The following WDR64 variants were observed in gnomAD, a reference collection of about 807,000 sequenced individuals.
WDR64 encodes the protein WD repeat domain 64, also known as WD repeat-containing protein 64.
In WDR64, 112 loss-of-function variants were observed where a neutral mutation model predicts 139.3. The observed-to-expected ratio is 0.80, with a 90% confidence interval of 0.69 to 0.94. The LOEUF (loss-of-function observed/expected upper bound fraction) is 0.94, where lower values mean the gene tolerates loss of function less well. Ranked by LOEUF, WDR64 falls within the 40% of genes least tolerant of loss-of-function variation. The pLI is 0.00. For synonymous variants in WDR64, 444 were observed against 437.7 expected (o/e 1.01, Z -0.18); for missense variants, 1,206 against 1,293.1 (o/e 0.93, Z 1.03).
chr1:241,797,372 G>A (rs920673846), intron 27 of WDR64, among the ~76,000 whole-genome samples: 1 of 152,054 alleles, frequency 6.6e-6, no homozygotes, highest in African/African-American at 2.4e-5. Context: ...AAGCTCTCAG[G>A]GGCCTAACTT....
chr1:241,781,648 T>C (rs1366771381), intron 22 of WDR64, among the ~76,000 whole-genome samples: 1 of 152,230 alleles, frequency 6.6e-6, no homozygotes, highest in African/African-American at 2.4e-5. Context: ...TAATTACATA[T>C]ACACACATAC....
intron 15 of WDR64, among the ~76,000 whole-genome samples, chr1:241,760,052 T>G (rs1670366209): frequency 6.6e-6 from 1 of 152,228 alleles, no homozygotes. Flanking sequence ...CACAGCGTCC[T>G]TCCTTTTAAA....
Position 241,757,269 on chromosome 1 carries a change from G to T in WDR64, c.1771-14G>T. 6.2e-7 allele frequency: 1 copy of T among 1,604,620 alleles called. No individual in the cohort carries two copies. The highest frequency in any genetic ancestry group is 8.5e-7 in the Non-Finnish European group (1 of 1,176,324). On this transcript the variant is annotated splice_polypyrimidine_tract_variant and intron_variant, in intron 14 of 27. Transcript: ENST00000437684. ...AATTGAACTTTTCATGCACTCACTG[G>T]ATTTCTGTTAAAGGGTAAGGAAGAT...
intron 8 of WDR64, among the ~76,000 whole-genome samples, chr1:241,704,346 G>A (rs1362463177): frequency 6.6e-6 from 1 of 152,208 alleles, no homozygotes; most frequent in African/African-American, 2.4e-5. Flanking sequence ...CTATCGAAAT[G>A]CTGGTTAATA....
At chr1:241,715,836 TAA>T (rs1322473509) in intron 9 of WDR64, among the ~76,000 whole-genome samples, 2 of 152,178 alleles carry the variant, frequency 1.3e-5, no homozygotes, top group Non-Finnish European at 2.9e-5. Flanking sequence ...ATGTGTTTGG[TAA>T]AGTTTTAGGA....
At chr1:241,753,706 A>G (rs146565512) in intron 14 of WDR64, among the ~76,000 whole-genome samples, 1 of 152,318 alleles carries the variant, frequency 6.6e-6, no homozygotes, top group African/African-American at 2.4e-5. Flanking sequence ...ACTGTCACAC[A>G]CACTCACGAA....
At chr1:241,692,806 A>G (rs1173702938) in intron 8 of WDR64, among the ~76,000 whole-genome samples, 3 of 152,234 alleles carry the variant, frequency 2.0e-5, no homozygotes, top group Admixed American at 2.0e-4. Flanking sequence ...GGAAATAAGC[A>G]TAAGAAAGGA....
chr1:241,792,868 A>T (rs1159341098), intron 25 of WDR64, among the ~76,000 whole-genome samples: 1 of 152,224 alleles, frequency 6.6e-6, no homozygotes, highest in Non-Finnish European at 1.5e-5. Context: ...AAATAGGCCT[A>T]TCCTATTAAA....
chr1:241,801,093 G>T, intron 27 of WDR64, 39 bp from the exon 28 acceptor site: 1 of 1,554,130 alleles, frequency 6.4e-7, no homozygotes, highest in Non-Finnish European at 8.9e-7. Context: ...TTTGTCAGTA[G>T]AATGCCAGTT....
At chr1:241,727,279 T>C (rs1668883043) in intron 10 of WDR64, among the ~76,000 whole-genome samples, 1 of 152,058 alleles carries the variant, frequency 6.6e-6, no homozygotes, top group Non-Finnish European at 1.5e-5. Flanking sequence ...AGACCTGGAG[T>C]CTCCTACAGA....
chr1:241,770,709 G>A lies in WDR64; in HGVS notation c.2253+19G>A, dbSNP rs1340091662. On this transcript the variant is annotated intron_variant, in intron 18 of 27. Coordinates refer to ENST00000437684, the MANE Select transcript of WDR64 (RefSeq NM_001367482.1). The stretch of plus-strand genomic sequence containing the variant: ...CAGTAAGGTAAGCAAGACACAGACA[G>A]GGTCTGTCTTCCTGTCATACTCAAT... The A allele has an allele frequency of 6.5e-7, 1 of 1,548,662 alleles. No homozygotes were observed. The highest frequency in any genetic ancestry group is 2.0e-5 in the Admixed American group (1 of 50,860).
At chr1:241,714,801 C>G (rs1443970430) in intron 9 of WDR64, among the ~76,000 whole-genome samples, 1 of 152,196 alleles carries the variant, frequency 6.6e-6, no homozygotes, top group East Asian at 1.9e-4. Flanking sequence ...CAATCACCAA[C>G]TCTGATTTTT....
chr1:241,727,656 A>T (rs192323192), intron 10 of WDR64, among the ~76,000 whole-genome samples: 1 of 152,312 alleles, frequency 6.6e-6, no homozygotes, highest in African/African-American at 2.4e-5. Flanking sequence ...GGGCCCTGCA[A>T]TGAGAAAGTT....
In WDR64 at chr1:241,764,018, T is replaced by A. The variant is rs1011910642; in HGVS notation, c.1948-2200T>A. On this transcript the variant is annotated intron_variant, in intron 15 of 27. Coordinates refer to ENST00000437684, the MANE Select transcript of WDR64 (RefSeq NM_001367482.1). ...TAGAGGATAGTGAAAAGACAGTGAA[T>A]CTCAAGTGGAAGAGGTAATGTGAAC... 2.6e-5 allele frequency among the ~76,000 whole-genome samples: 4 copies of A among 152,170 alleles called. No individual in the cohort carries two copies. The East Asian group carries it at 7.8e-4, about 29-fold the overall frequency.
At chr1:241,795,380 A>G in intron 26 of WDR64, 93 bp downstream of exon 26, 1 of 1,130,778 alleles carries the variant, frequency 8.8e-7, no homozygotes, top group Admixed American at 2.2e-5. Context: ...AAGGTTGGAG[A>G]AAATCATACA....
At chr1:241,666,208 T>C (rs1666021124) in intron 2 of WDR64, among the ~76,000 whole-genome samples, 1 of 152,180 alleles carries the variant, frequency 6.6e-6, no homozygotes, top group Admixed American at 6.5e-5. Context: ...GCAACATTAC[T>C]ACACTGAAAC....
At chr1:241,704,066 T>A (rs146663526) in intron 8 of WDR64, among the ~76,000 whole-genome samples, 5 of 152,274 alleles carry the variant, frequency 3.3e-5, no homozygotes, top group African/African-American at 1.2e-4. Flanking sequence ...TCACATGGTA[T>A]CTACATTTTA....
chr1:241,783,234 A>AT (rs1174302902), intron 22 of WDR64, 38 bp from the exon 23 acceptor site: 1 of 1,531,874 alleles, frequency 6.5e-7, no homozygotes, highest in East Asian at 2.2e-5. Context: ...ACTAGCATAT[A>AT]GTTATTCCGA....
At chr1:241,779,219 A>G (rs550619938) in intron 21 of WDR64, among the ~76,000 whole-genome samples, 5 of 152,252 alleles carry the variant, frequency 3.3e-5, no homozygotes, top group Non-Finnish European at 4.4e-5. Context: ...GCTTTTGATA[A>G]GAAGTTTGAT....
Sources: gnomAD v4.1 joint callset for allele counts (sites outside exome capture counted in the v4.1 genomes callset) on GRCh38, gnomAD v4.1.1 for gene constraint, MANE v1.5 for transcripts, NCBI Gene and HGNC (gene_info 2026-07-23, HGNC 2026-07-21) for gene names.